The following SLC25A48 variants were observed in gnomAD, a reference collection of about 807,000 sequenced individuals.
SLC25A48 encodes the protein solute carrier family 25 member 48.
SLC25A48 carries 29 observed loss-of-function variants against 32.2 expected under a neutral mutation model. The observed-to-expected ratio is 0.90, with a 90% CI of 0.67 to 1.23. The LOEUF (loss-of-function observed/expected upper bound fraction) is 1.23, where lower values mean the gene tolerates loss of function less well. Among genes scored for constraint, SLC25A48 ranks in the 50% most tolerant of loss-of-function variants. SLC25A48 has a pLI of 0.00. For synonymous variants in SLC25A48, 164 were observed against 172.3 expected (o/e 0.95, Z 0.38); for missense variants, 399 against 422.7 (o/e 0.94, Z 0.49).
intron 4 of SLC25A48, among the ~76,000 whole-genome samples, chr5:135,826,200 T>G (rs1758043630): frequency 6.6e-6 from 1 of 152,100 alleles, no homozygotes; most frequent in African/African-American, 2.4e-5. Flanking sequence ...CCCACCAGGC[T>G]GCTCCCTGCC....
intron 3 of SLC25A48, among the ~76,000 whole-genome samples, chr5:135,788,360 AC>A (rs74498744): frequency 0.26 from 36,160 of 139,142 alleles, 4,828 homozygotes; most frequent in East Asian, 0.43. Flanking sequence ...GGGGGTGTAC[AC>A]CCCCCCGCCA....
chr5:135,777,225 G>A (rs1442953560), intron 3 of SLC25A48, among the ~76,000 whole-genome samples: 2 of 151,788 alleles, frequency 1.3e-5, no homozygotes, highest in African/African-American at 4.8e-5. Flanking sequence ...ATATCGCAGG[G>A]AGTGTACTTT....
intron 3 of SLC25A48, among the ~76,000 whole-genome samples, chr5:135,739,206 T>C (rs1042218198): frequency 6.6e-6 from 1 of 152,108 alleles, no homozygotes; most frequent in African/African-American, 2.4e-5. Context: ...GAGCCTTGAC[T>C]TCCCAGGCTC....
chr5:135,787,439 T>A (rs1756876535), intron 3 of SLC25A48, among the ~76,000 whole-genome samples: 1 of 152,106 alleles, frequency 6.6e-6, no homozygotes, highest in South Asian at 2.1e-4. Flanking sequence ...TCACAGTGTG[T>A]GTACACCCTG....
rs1468581302 is a variant in SLC25A48 at position 135,888,526 on chromosome 5, C to T, written c.*502C>T. 4 of 164,728 alleles carry T rather than the reference C, an allele frequency of 2.4e-5. No homozygotes were observed. Among genetic ancestry groups the T allele is most frequent in the Admixed American group, 1.2e-4 (2 of 16,626 alleles). The allele number at this position is 164,728 out of a possible 1,614,324, so 10.2% of individuals were successfully genotyped here. A position where few individuals can be genotyped will look rare whatever the true frequency, so the allele number is the denominator to read the frequency against. On this transcript the variant is annotated 3_prime_UTR_variant, in exon 8 of 8. Coordinates refer to ENST00000681962, the MANE Select transcript of SLC25A48 (RefSeq NM_001349336.2). ...CAGCGGTAGCGCCTTCCTCACCGCA[C>T]GCTGAGTCCAGTGCGTGCTCCTCAC...
rs75164793 is a variant in SLC25A48 at position 135,707,951 on chromosome 5, G to A, written c.-521+72995G>A. 4.7e-4 allele frequency among the ~76,000 whole-genome samples: 71 copies of A among 152,146 alleles called. 2 individuals carry two copies. The East Asian group carries it at 0.013, about 28-fold the overall frequency. ...GAGTTGAGGGATGGATGGATGGATC[G>A]ATGGATGGATGGATGGATTGGCTAG... is the stretch of plus-strand genomic sequence containing the variant. On this transcript the variant is annotated intron_variant, in intron 3 of 10. Coordinates refer to the SLC25A48 transcript ENST00000646290.
intron 3 of SLC25A48, among the ~76,000 whole-genome samples, chr5:135,729,031 G>T (rs1248034512): frequency 1.3e-5 from 2 of 152,058 alleles, no homozygotes; most frequent in Non-Finnish European, 2.9e-5. Flanking sequence ...ATGCAAAACA[G>T]ATGCGAAACG....
chr5:135,597,978 T>C (rs1476949808), intron 1 of SLC25A48, among the ~76,000 whole-genome samples: 2 of 151,830 alleles, frequency 1.3e-5, no homozygotes. Flanking sequence ...CACTTCAGCC[T>C]GGGTGACAGA....
chr5:135,586,937 A>G (rs1480787702), intron 1 of SLC25A48, among the ~76,000 whole-genome samples: 1 of 152,188 alleles, frequency 6.6e-6, no homozygotes, highest in Non-Finnish European at 1.5e-5. Flanking sequence ...TGGCTGCTGG[A>G]CGAAAGAAGG....
In SLC25A48 at chr5:135,834,791, C is replaced by CACTG; in HGVS notation, c.-53_-50dup. On this transcript the variant is annotated 5_prime_UTR_variant, in exon 1 of 8. Coordinates refer to ENST00000681962, the MANE Select transcript of SLC25A48 (RefSeq NM_001349336.2). Reference sequence around the variant, plus strand: ...GCGCTCGCGCCCGCGGGCCATGCCCCACTGACTCTAAGTGGGCACTGCCCC... The same window carrying CACTG: ...GCGCTCGCGCCCGCGGGCCATGCCCCACTGACTGACTCTAAGTGGGCACTGCCCC... 6.6e-7 allele frequency: 1 copy of CACTG among 1,519,386 alleles called. No individual in the cohort carries two copies. The highest frequency in any genetic ancestry group is 8.9e-7 in the Non-Finnish European group (1 of 1,129,142). 94.1% of individuals were successfully genotyped at this position (1,519,386 alleles called of 1,614,324 possible). A position where few individuals can be genotyped will look rare whatever the true frequency, so the allele number is the denominator to read the frequency against.
chr5:135,859,369 A>G (rs984143474), intron 4 of SLC25A48, among the ~76,000 whole-genome samples: 7 of 152,154 alleles, frequency 4.6e-5, no homozygotes, highest in African/African-American at 1.7e-4. Context: ...CTATCATGAG[A>G]ACAGCATGGG....
intron 3 of SLC25A48, among the ~76,000 whole-genome samples, chr5:135,659,478 C>T (rs1753335860): frequency 6.6e-6 from 1 of 152,218 alleles, no homozygotes; most frequent in South Asian, 2.1e-4. Context: ...AAATTCCGAA[C>T]CTTTCCTCAT....
At chr5:135,709,925 G>A (rs764689097) in intron 3 of SLC25A48, among the ~76,000 whole-genome samples, 1 of 152,140 alleles carries the variant, frequency 6.6e-6, no homozygotes, top group African/African-American at 2.4e-5. Flanking sequence ...CACCTAGGTC[G>A]TTGGGTTTTT....
chr5:135,757,505 A>C (rs952315117), intron 3 of SLC25A48, among the ~76,000 whole-genome samples: 3 of 149,532 alleles, frequency 2.0e-5, no homozygotes, highest in African/African-American at 7.3e-5. Context: ...GATATTTATA[A>C]TGTCTACTGT....
intron 3 of SLC25A48, among the ~76,000 whole-genome samples, chr5:135,687,872 T>A (rs916712090): frequency 6.6e-6 from 1 of 152,198 alleles, no homozygotes; most frequent in Non-Finnish European, 1.5e-5. Context: ...TTTTCTGGGG[T>A]CTTTTTTCCC....
At chr5:135,603,491 A>G (rs1217668967) in intron 1 of SLC25A48, among the ~76,000 whole-genome samples, 1 of 152,226 alleles carries the variant, frequency 6.6e-6, no homozygotes, top group Non-Finnish European at 1.5e-5. Flanking sequence ...CTGATGAGGC[A>G]GGACAGGCCT....
chr5:135,792,154 T>C (rs1380437780), intron 3 of SLC25A48, among the ~76,000 whole-genome samples: 8 of 151,856 alleles, frequency 5.3e-5, no homozygotes, highest in Non-Finnish European at 1.2e-4. Context: ...AGCATGTTAC[T>C]CCTAATGTAA....
intron 3 of SLC25A48, among the ~76,000 whole-genome samples, chr5:135,762,479 T>C (rs993016441): frequency 6.6e-6 from 1 of 152,174 alleles, no homozygotes; most frequent in Admixed American, 6.6e-5. Flanking sequence ...CAAATATTGA[T>C]CTATTGAAAG....
chr5:135,777,826 G>A (rs186330238), intron 3 of SLC25A48, among the ~76,000 whole-genome samples: 66 of 151,166 alleles, frequency 4.4e-4, no homozygotes, highest in African/African-American at 1.6e-3. Context: ...ATATTGCAGG[G>A]GCTGTACACC....
Sources: allele counts gnomAD v4.1 joint callset (sites outside exome capture counted in the v4.1 genomes callset), GRCh38; gene constraint gnomAD v4.1.1; transcripts MANE v1.5; gene names NCBI Gene and HGNC (gene_info 2026-07-23, HGNC 2026-07-21).